PRKN: variants seen among roughly 807,000 people sequenced by gnomAD.
The protein encoded by PRKN is parkin RBR E3 ubiquitin protein ligase, also known as E3 ubiquitin-protein ligase parkin.
In PRKN, 56 loss-of-function variants were observed where a neutral mutation model predicts 59.5. The observed-to-expected ratio is 0.94, with a 90% CI of 0.76 to 1.18. PRKN has a LOEUF of 1.18. Among genes scored for constraint, PRKN ranks in the 50% most tolerant of loss-of-function variants. PRKN has a pLI of 0.00. For missense variants in PRKN, 657 were observed against 596.4 expected (o/e 1.10, Z -1.06); for synonymous variants, 250 against 222.1 (o/e 1.13, Z -1.12).
At chr6:162,696,035 A>T (rs1252434324) in intron 1 of PRKN, among the ~76,000 whole-genome samples, 1 of 152,148 alleles carries the variant, frequency 6.6e-6, no homozygotes, top group Non-Finnish European at 1.5e-5. Flanking sequence ...GACTACAGAA[A>T]GTGCCTGGAA....
At chr6:162,600,194 C>T (rs1331586146) in intron 1 of PRKN, among the ~76,000 whole-genome samples, 1 of 152,144 alleles carries the variant, frequency 6.6e-6, no homozygotes, top group Non-Finnish European at 1.5e-5. Flanking sequence ...ATCACCAAAA[C>T]GTGGTGTGGC....
chr6:161,997,850 A>G (rs1781903078), intron 5 of PRKN, among the ~76,000 whole-genome samples: 1 of 152,094 alleles, frequency 6.6e-6, no homozygotes, highest in South Asian at 2.1e-4. Flanking sequence ...TGAATGTATC[A>G]TTACTTGGCT....
chr6:162,568,420 C>A lies in PRKN; in HGVS notation c.8-124947G>T. On this transcript the variant is annotated intron_variant, in intron 1 of 11. Coordinates refer to ENST00000366898, the MANE Select transcript of PRKN (RefSeq NM_004562.3). The stretch of plus-strand genomic sequence containing the variant: ...CCCAGAAGTCCTATAAGGTGTCCAC[C>A]TCTATGGGCAGCAGCAGCTTCCGGG... The A allele has an allele frequency of 5.2e-6, 3 of 577,372 alleles. No homozygotes were observed. In the Admixed American group the frequency reaches 7.6e-5, roughly 15 times the overall value. 35.8% of individuals were successfully genotyped at this position (577,372 alleles called of 1,614,324 possible). A position where few individuals can be genotyped will look rare whatever the true frequency, so the allele number is the denominator to read the frequency against.
chr6:162,493,264 A>G (rs1306999622), intron 1 of PRKN, among the ~76,000 whole-genome samples: 1 of 152,178 alleles, frequency 6.6e-6, no homozygotes, highest in Non-Finnish European at 1.5e-5. Flanking sequence ...GGAAGGACCA[A>G]AGGTGACTTC....
At position 162,692,763 on chromosome 6, in the gene PRKN, T is replaced by C. The variant is rs538649800; in HGVS notation, c.7+34899A>G. On this transcript the variant is annotated intron_variant, in intron 1 of 11. Coordinates refer to ENST00000366898, the MANE Select transcript of PRKN (RefSeq NM_004562.3). ...CTATGTCCCTTTTACCTTTGTTGAT[T>C]TGAATCTGTATCATTTTGCTATATT... Among the ~76,000 whole-genome samples the C allele has an allele frequency of 4.6e-5, 7 of 152,354 alleles. No homozygotes were observed. In the East Asian group the frequency reaches 1.2e-3, roughly 25 times the overall value.
At chr6:162,099,305 G>A (rs1449907285) in intron 4 of PRKN, among the ~76,000 whole-genome samples, 2 of 151,984 alleles carry the variant, frequency 1.3e-5, no homozygotes, top group South Asian at 2.1e-4. Context: ...TTAAAAGTAG[G>A]GTTTTTTCCT....
At chr6:161,852,953 G>A (rs184990018) in intron 6 of PRKN, among the ~76,000 whole-genome samples, 1 of 152,190 alleles carries the variant, frequency 6.6e-6, no homozygotes, top group Admixed American at 6.5e-5. Flanking sequence ...CCTCAGGAAA[G>A]AGACAGCTGG....
At chr6:161,954,143 G>A (rs543195501) in intron 6 of PRKN, among the ~76,000 whole-genome samples, 18 of 152,280 alleles carry the variant, frequency 1.2e-4, no homozygotes, top group Admixed American at 6.5e-4. Flanking sequence ...CAGCAGATGC[G>A]ACTTGGTTGA....
chr6:162,135,127 T>C (rs957213782), intron 4 of PRKN, among the ~76,000 whole-genome samples: 1 of 152,072 alleles, frequency 6.6e-6, no homozygotes, highest in Non-Finnish European at 1.5e-5. Flanking sequence ...AATAAAATAT[T>C]AGTTTTGTTG....
chr6:161,713,873 G>A (rs1786856137), intron 7 of PRKN, among the ~76,000 whole-genome samples: 1 of 152,084 alleles, frequency 6.6e-6, no homozygotes, highest in African/African-American at 2.4e-5. Context: ...CTGTTCTCGT[G>A]GGAGTGAATA....
intron 6 of PRKN, among the ~76,000 whole-genome samples, chr6:161,847,683 G>T (rs927326500): frequency 6.6e-6 from 1 of 151,794 alleles, no homozygotes; most frequent in African/African-American, 2.4e-5. Context: ...TGAATCCGGG[G>T]TGCATCACTT....
At chr6:162,500,698 G>A (rs1793325009) in intron 1 of PRKN, among the ~76,000 whole-genome samples, 1 of 152,140 alleles carries the variant, frequency 6.6e-6, no homozygotes, top group Non-Finnish European at 1.5e-5. Context: ...AAATAGATTG[G>A]CTGGTGAATC....
At chr6:161,839,797 G>A (rs186865047) in intron 6 of PRKN, among the ~76,000 whole-genome samples, 20 of 152,270 alleles carry the variant, frequency 1.3e-4, no homozygotes, top group Admixed American at 9.8e-4. Context: ...AGGAACACAC[G>A]GAAAAAAGTC....
At chr6:161,649,976 C>T (rs1341576741) in intron 7 of PRKN, among the ~76,000 whole-genome samples, 1 of 152,180 alleles carries the variant, frequency 6.6e-6, no homozygotes, top group East Asian at 1.9e-4. Flanking sequence ...GAAGCCCAAG[C>T]CACATGGAAG....
rs963183010 is a variant in PRKN, at chr6:161,458,294, T to C, written c.1084-71417A>G. Among the ~76,000 whole-genome samples, 3 of 152,152 alleles carry C rather than the reference T, an allele frequency of 2.0e-5. No individual in the cohort carries two copies. Among genetic ancestry groups the C allele is most frequent in the Non-Finnish European group, 4.4e-5 (3 of 68,026 alleles). On this transcript the variant is annotated intron_variant, in intron 9 of 11. Coordinates refer to ENST00000366898, the MANE Select transcript of PRKN (RefSeq NM_004562.3). This position sits in a 1 kb window ranked among gnomAD's most constrained non-coding sequence, Gnocchi z 6.1. ...TAATCATGATCATTATTGGAGAATA[T>C]GATTGAAATTTTAATTATTAAGTAG...
At chr6:161,749,862 C>T (rs1006853957) in intron 7 of PRKN, among the ~76,000 whole-genome samples, 1 of 152,102 alleles carries the variant, frequency 6.6e-6, no homozygotes, top group African/African-American at 2.4e-5. Context: ...CTCTCACCTA[C>T]AAGAAGTGAC....
At chr6:162,133,219 G>A (rs557493663) in intron 4 of PRKN, among the ~76,000 whole-genome samples, 1 of 152,316 alleles carries the variant, frequency 6.6e-6, no homozygotes, top group South Asian at 2.1e-4. Context: ...CTGCCTGGAG[G>A]CACCATGAGG....
At chr6:162,702,829 G>A (rs1562509777) in intron 1 of PRKN, among the ~76,000 whole-genome samples, 3 of 152,192 alleles carry the variant, frequency 2.0e-5, no homozygotes, top group Non-Finnish European at 4.4e-5. Flanking sequence ...AGTGAGAGAT[G>A]TTTAACTCCT....
intron 9 of PRKN, among the ~76,000 whole-genome samples, chr6:161,452,766 G>A (rs1349104118): frequency 6.6e-6 from 1 of 151,980 alleles, no homozygotes; most frequent in East Asian, 1.9e-4. Context: ...GACCAAGTGG[G>A]TTCCATGGAG....
Sources: gnomAD v4.1 joint callset for allele counts (sites outside exome capture counted in the v4.1 genomes callset) on GRCh38, gnomAD v4.1.1 for gene constraint, Gnocchi (gnomAD v3.1) non-coding constraint, MANE v1.5 for transcripts, NCBI Gene and HGNC (gene_info 2026-07-23, HGNC 2026-07-21) for gene names.